IPO8: variants seen among roughly 807,000 people sequenced by gnomAD.
IPO8 encodes the protein importin 8.
Under a neutral mutation model 141.2 loss-of-function variants are expected in IPO8, and 65 were observed. The ratio of observed to expected loss-of-function variants is 0.46; its 90% CI spans 0.38 to 0.57. IPO8 has a LOEUF of 0.57. IPO8 is among the 20% of genes least tolerant of loss of function. The pLI is 0.00. For missense variants in IPO8, 980 were observed against 1,246.8 expected (o/e 0.79, Z 3.22); for synonymous variants, 411 against 420.3 (o/e 0.98, Z 0.27).
In IPO8 at chr12:30,695,513, G is replaced by A. The variant is rs746732327; in HGVS notation, c.84+51C>T. On this transcript the variant is annotated intron_variant, in intron 1 of 24. Transcript: ENST00000256079. This position sits in a 1 kb window ranked among gnomAD's most constrained non-coding sequence, Gnocchi z 4.2. ...CCGGGGAGAGGGAGCCCGGCCAGCC[G>A]GCAGGGGCGCCCCTTCGGCGGAAGA... 1.9e-6 allele frequency: 3 copies of A among 1,540,774 alleles called. No individual in the cohort carries two copies. Among genetic ancestry groups the A allele is most frequent in the East Asian group, 2.3e-5 (1 of 44,132 alleles).
intron 8 of IPO8, among the ~76,000 whole-genome samples, chr12:30,673,078 G>A (rs1279337994): frequency 2.0e-5 from 3 of 152,104 alleles, no homozygotes; most frequent in Admixed American, 1.3e-4. Context: ...CCAACATGGT[G>A]AAACCCCACC....
intron 23 of IPO8, among the ~76,000 whole-genome samples, 162 bp from the exon 24 acceptor site, chr12:30,632,173 G>C (rs1360628347): frequency 6.6e-6 from 1 of 152,154 alleles, no homozygotes; most frequent in African/African-American, 2.4e-5. Context: ...GCCAACAAAG[G>C]ATTATTTCTG....
chr12:30,680,306 T>C (rs966704491), intron 5 of IPO8, 176 bp downstream of exon 5: 58 of 515,576 alleles, frequency 1.1e-4, no homozygotes, highest in Non-Finnish European at 1.6e-4. Flanking sequence ...AGATATGCCA[T>C]TGAGACGATC....
chr12:30,666,888 G>T (rs1456089275), intron 10 of IPO8, among the ~76,000 whole-genome samples: 2 of 152,150 alleles, frequency 1.3e-5, no homozygotes, highest in African/African-American at 2.4e-5. Context: ...TAAAAGCCTT[G>T]AAGGACTGCT....
intron 20 of IPO8, among the ~76,000 whole-genome samples, chr12:30,641,493 C>CTTTTTTTTTTTTTT: frequency 7.4e-6 from 1 of 135,050 alleles, no homozygotes; most frequent in Non-Finnish European, 1.6e-5. Flanking sequence ...TAAGCTATTT[C>CTTTTTTTTTTTTTT]TTTTTTTTTT....
intron 21 of IPO8, among the ~76,000 whole-genome samples, chr12:30,638,872 C>T (rs534404312): frequency 2.0e-5 from 3 of 152,034 alleles, no homozygotes; most frequent in Admixed American, 6.6e-5. Flanking sequence ...GGGGTTTCAC[C>T]GTGTTAGCCA....
intron 5 of IPO8, chr12:30,677,283 C>T (rs1484316067): frequency 1.1e-5 from 4 of 377,758 alleles, no homozygotes; most frequent in East Asian, 1.4e-4. Context: ...AGATTCTTAT[C>T]GCCTAGTGAC....
At chr12:30,692,044 A>T (rs1028365980) in intron 1 of IPO8, among the ~76,000 whole-genome samples, 28 of 152,222 alleles carry the variant, frequency 1.8e-4, no homozygotes, top group Admixed American at 1.0e-3. Flanking sequence ...GGCAAAATTA[A>T]CACAGATTCA....
chr12:30,635,278 T>C (rs2052486344), intron 22 of IPO8, among the ~76,000 whole-genome samples: 3 of 152,102 alleles, frequency 2.0e-5, no homozygotes, highest in South Asian at 2.1e-4. Flanking sequence ...ATACAGTTAA[T>C]AGTATATGTA....
intron 17 of IPO8, among the ~76,000 whole-genome samples, chr12:30,654,013 C>T (rs2052762517): frequency 6.6e-6 from 1 of 151,716 alleles, no homozygotes; most frequent in Non-Finnish European, 1.5e-5. Context: ...ACACACAGAC[C>T]AATGGAACCG....
rs191358440 is a variant in IPO8 at position 30,665,022 on chromosome 12, G to A, written c.1428+198C>T. ...CCCAAAGTGCTGGGATTACAGGCAT[G>A]AGCCACTGCGCCCAGCCTATAAATC... On this transcript the variant is annotated intron_variant, in intron 13 of 24. Coordinates refer to ENST00000256079, the MANE Select transcript of IPO8 (RefSeq NM_006390.4). Among the ~76,000 whole-genome samples, 213 of 152,352 alleles carry A rather than the reference G, an allele frequency of 1.4e-3. 1 individual carries two copies. The highest frequency in any genetic ancestry group is 4.9e-3 in the African/African-American group (204 of 41,576).
At chr12:30,681,606 T>C in intron 4 of IPO8, 53 bp downstream of exon 4, 1 of 1,541,674 alleles carries the variant, frequency 6.5e-7, no homozygotes. Context: ...TGCAACTTCA[T>C]TATTTCTAAG....
At chr12:30,686,857 GGT>G (rs1565511049) in intron 2 of IPO8, among the ~76,000 whole-genome samples, 1 of 151,474 alleles carries the variant, frequency 6.6e-6, no homozygotes, top group Non-Finnish European at 1.5e-5. Context: ...TAAAAATTAT[GGT>G]GCATCAAACG....
intron 20 of IPO8, among the ~76,000 whole-genome samples, chr12:30,641,441 T>C (rs1039845511): frequency 6.6e-5 from 10 of 151,886 alleles, no homozygotes; most frequent in African/African-American, 2.4e-4. Flanking sequence ...AAATTAGACC[T>C]TAGAACTGTG....
intron 2 of IPO8, among the ~76,000 whole-genome samples, chr12:30,684,972 T>G (rs780590277): frequency 5.9e-5 from 9 of 152,092 alleles, no homozygotes; most frequent in Non-Finnish European, 1.3e-4. Context: ...CCATCAAAAA[T>G]TTTTGGAAAA....
At chr12:30,638,444 T>C (rs893970581) in intron 21 of IPO8, among the ~76,000 whole-genome samples, 1 of 152,222 alleles carries the variant, frequency 6.6e-6, no homozygotes, top group Admixed American at 6.5e-5. Flanking sequence ...CATCTTCTCC[T>C]GCCTGTGGCA....
intron 21 of IPO8, 45 bp from the exon 22 acceptor site, chr12:30,637,232 A>T (rs1283513445): frequency 2.1e-6 from 3 of 1,407,944 alleles, no homozygotes; most frequent in Admixed American, 1.7e-5. Context: ...GAGAAGTGGA[A>T]TAAAGAACAA....
At chr12:30,645,550 T>C (rs2136133381) in intron 20 of IPO8, among the ~76,000 whole-genome samples, 1 of 151,186 alleles carries the variant, frequency 6.6e-6, no homozygotes, top group Middle Eastern at 3.4e-3. Context: ...ACTAATGAAA[T>C]GGAAAACAAA....
intron 9 of IPO8, among the ~76,000 whole-genome samples, chr12:30,670,421 T>A (rs2053031613): frequency 6.6e-6 from 1 of 152,158 alleles, no homozygotes; most frequent in African/African-American, 2.4e-5. Context: ...AATTTTCCAT[T>A]CCCATTTGTT....
Sources: gnomAD v4.1 joint callset for allele counts (sites outside exome capture counted in the v4.1 genomes callset) on GRCh38, gnomAD v4.1.1 for gene constraint, Gnocchi (gnomAD v3.1) non-coding constraint, MANE v1.5 for transcripts, NCBI Gene and HGNC (gene_info 2026-07-23, HGNC 2026-07-21) for gene names.